Variants in DIP2C observed in about 807,000 individuals in gnomAD.
The protein encoded by DIP2C is DIP2 acetate--CoA ligase C (putative).
A neutral mutation model predicts 192.4 loss-of-function variants in DIP2C; 33 were observed. The ratio of observed to expected loss-of-function variants is 0.17; its 90% CI spans 0.13 to 0.23. The LOEUF is 0.23. DIP2C is among the 10% of genes least tolerant of loss of function. The pLI is 1.00. For missense variants in DIP2C, 1,537 were observed against 2,110.1 expected (o/e 0.73, Z 5.32); for synonymous variants, 979 against 864.1 (o/e 1.13, Z -2.33).
intron 3 of DIP2C, among the ~76,000 whole-genome samples, chr10:448,160 C>T (rs1277545215): frequency 3.2e-5 from 4 of 124,720 alleles, no homozygotes; most frequent in East Asian, 4.5e-4. Context: ...CAGCAGGACC[C>T]GCTCACTCCC....
intron 1 of DIP2C, chr10:669,060 G>A (rs1857288568): frequency 6.6e-6 from 1 of 152,018 alleles, no homozygotes; most frequent in South Asian, 2.1e-4. Flanking sequence ...GGTTGGTGAC[G>A]GTACAGACAC....
At chr10:449,604 G>A (rs1239596508) in intron 3 of DIP2C, among the ~76,000 whole-genome samples, 7 of 145,382 alleles carry the variant, frequency 4.8e-5, no homozygotes, top group Non-Finnish European at 9.0e-5. Flanking sequence ...CTACAGGAAG[G>A]GGAATATCAC....
At chr10:604,333 T>C (rs1852317246) in intron 1 of DIP2C, among the ~76,000 whole-genome samples, 2 of 152,340 alleles carry the variant, frequency 1.3e-5, no homozygotes, top group South Asian at 4.1e-4. Flanking sequence ...TATTTGACTA[T>C]TAAATATACA....
intron 1 of DIP2C, among the ~76,000 whole-genome samples, chr10:604,579 T>C (rs1324768667): frequency 6.6e-6 from 1 of 152,268 alleles, no homozygotes; most frequent in Admixed American, 6.5e-5. Context: ...TGGGCCCAAG[T>C]TTAAGATCAA....
intron 1 of DIP2C, among the ~76,000 whole-genome samples, chr10:604,406 G>A (rs1410487077): frequency 6.6e-6 from 1 of 152,184 alleles, no homozygotes; most frequent in African/African-American, 2.4e-5. Flanking sequence ...GACCCTAGAT[G>A]GAGGGATGAA....
chr10:367,023 T>C (rs544904722), intron 18 of DIP2C, among the ~76,000 whole-genome samples: 6 of 152,276 alleles, frequency 3.9e-5, no homozygotes, highest in Admixed American at 3.9e-4. Context: ...GGAGTGTGCA[T>C]TAGTGACAGC....
intron 1 of DIP2C, among the ~76,000 whole-genome samples, chr10:606,607 C>CTCATTGGTTGGGAGGGGATCT (rs1564259893): frequency 6.7e-6 from 1 of 150,018 alleles, no homozygotes; most frequent in Non-Finnish European, 1.5e-5. Flanking sequence ...TGCTGTGATC[C>CTCATTGGTTGGGAGGGGATCT]GAATTCTCAT....
At chr10:545,763 G>C (rs1848253924) in intron 1 of DIP2C, among the ~76,000 whole-genome samples, 1 of 152,188 alleles carries the variant, frequency 6.6e-6, no homozygotes, top group Non-Finnish European at 1.5e-5. Flanking sequence ...TGTAGGGTGA[G>C]GGAGGGTGCA....
At chr10:369,878 C>T in intron 17 of DIP2C, 3 of 1,369,304 alleles carry the variant, frequency 2.2e-6, no homozygotes, top group South Asian at 2.9e-5. Context: ...CGTAAACTAC[C>T]AACGCAGCTC....
At position 425,368 on chromosome 10, in the gene DIP2C, G is replaced by A. The variant is rs867927429; in HGVS notation, c.395-2335C>T. Among the ~76,000 whole-genome samples, 99 of 131,304 alleles carry A rather than the reference G, an allele frequency of 7.5e-4. 1 individual carries two copies. Among genetic ancestry groups the A allele is most frequent in the African/African-American group, 2.8e-3 (90 of 32,700 alleles). 86.1% of individuals were successfully genotyped at this position (131,304 alleles called of 152,430 possible). On this transcript the variant is annotated intron_variant, in intron 4 of 36. Coordinates refer to ENST00000280886, the MANE Select transcript of DIP2C (RefSeq NM_014974.3). ...TGACCAGCGGTGACTAATATGACAC[G>A]GATGATACGGCATGACCAGCGGTGA...
chr10:408,768 T>G (rs1179809552), intron 9 of DIP2C, among the ~76,000 whole-genome samples, 158 bp downstream of exon 9: 5 of 152,220 alleles, frequency 3.3e-5, no homozygotes, highest in Admixed American at 3.3e-4. Flanking sequence ...ATTAATAGTA[T>G]CTGTCCTGTG....
intron 36 of DIP2C, among the ~76,000 whole-genome samples, chr10:279,352 A>G (rs1388611369): frequency 1.3e-5 from 2 of 152,158 alleles, no homozygotes; most frequent in African/African-American, 2.4e-5. Flanking sequence ...GAATAGTCCT[A>G]GAGTATCCAA....
intron 7 of DIP2C, among the ~76,000 whole-genome samples, chr10:414,906 ATTTTTT>A (rs66514106): frequency 2.6e-3 from 213 of 83,174 alleles, no homozygotes; most frequent in Non-Finnish European, 3.3e-3. Flanking sequence ...ATATATATAT[ATTTTTT>A]TTTTTTTTTG....
Position 294,910 on chromosome 10 carries a change from C to G in DIP2C, c.3987-6489G>C, listed in dbSNP as rs564857194. 3.3e-5 allele frequency among the ~76,000 whole-genome samples: 5 copies of G among 152,194 alleles called. No individual in the cohort carries two copies. In the South Asian group the frequency reaches 1.0e-3, roughly 32 times the overall value. ...TAAAAGAATACATTTGCAAACTACT[C>G]ACCAGACAGGGGATTAATATTCAGG... On this transcript the variant is annotated intron_variant, in intron 32 of 36. Transcript: ENST00000280886.
chr10:384,204 C>T, intron 15 of DIP2C, 58 bp from the exon 16 acceptor site: 3 of 1,576,512 alleles, frequency 1.9e-6, no homozygotes, highest in Non-Finnish European at 2.6e-6. Context: ...TCCCCTATTG[C>T]AAAAGAGAGA....
chr10:429,935 ATATT>A (rs1186636037), intron 4 of DIP2C, among the ~76,000 whole-genome samples: 3 of 152,132 alleles, frequency 2.0e-5, no homozygotes, highest in African/African-American at 7.2e-5. Flanking sequence ...GGTAAAGAGT[ATATT>A]TAGTTTTGTA....
intron 31 of DIP2C, chr10:325,036 A>C (rs72653038): frequency 0.018 from 8,973 of 497,192 alleles, 206 homozygotes; most frequent in African/African-American, 0.074. Flanking sequence ...GAGGCAAAGG[A>C]AGGCGGATCA....
intron 3 of DIP2C, among the ~76,000 whole-genome samples, chr10:442,752 C>G (rs1192087733): frequency 6.6e-6 from 1 of 152,180 alleles, no homozygotes; most frequent in Non-Finnish European, 1.5e-5. Flanking sequence ...CAAGAATATT[C>G]TCTCACATAC....
At chr10:361,848 G>A (rs577903148) in intron 22 of DIP2C, among the ~76,000 whole-genome samples, 275 of 152,182 alleles carry the variant, frequency 1.8e-3, no homozygotes, top group Middle Eastern at 0.014. Flanking sequence ...CCCAACAGAA[G>A]GCCACGCACC....
Sources: gnomAD v4.1 joint callset for allele counts (sites outside exome capture counted in the v4.1 genomes callset) on GRCh38, gnomAD v4.1.1 for gene constraint, MANE v1.5 for transcripts, NCBI Gene and HGNC (gene_info 2026-07-23, HGNC 2026-07-21) for gene names.